BAZ1A: variants seen among roughly 807,000 people sequenced by gnomAD.
BAZ1A encodes bromodomain adjacent to zinc finger domain 1A.
Under a neutral mutation model 185.2 loss-of-function variants are expected in BAZ1A, and 50 were observed. That is an observed-to-expected ratio of 0.27 (90% CI 0.22 to 0.34). The LOEUF (loss-of-function observed/expected upper bound fraction) is 0.34. Among genes scored for constraint, BAZ1A ranks in the 10% least tolerant of loss-of-function variants. BAZ1A has a pLI of 1.00. For synonymous variants in BAZ1A, 571 were observed against 615.6 expected, an observed-to-expected ratio of 0.93 and a Z score of 1.07; for missense variants, 1,356 against 1,839.9, an observed-to-expected ratio of 0.74 and a Z score of 4.81.
intron 16 of BAZ1A, among the ~76,000 whole-genome samples, chr14:34,780,709 G>A (rs1405654366): frequency 6.6e-6 from 1 of 152,202 alleles, no homozygotes; most frequent in Non-Finnish European, 1.5e-5. Flanking sequence ...AAAGTGTAAA[G>A]GAGAAAGCAG....
At chr14:34,869,156 G>A (rs904532013) in intron 2 of BAZ1A, among the ~76,000 whole-genome samples, 1 of 151,660 alleles carries the variant, frequency 6.6e-6, no homozygotes. Flanking sequence ...GCAGTGAGCC[G>A]AGATCTCATG....
intron 2 of BAZ1A, among the ~76,000 whole-genome samples, chr14:34,865,970 T>C (rs541267706): frequency 1.2e-3 from 186 of 152,194 alleles, no homozygotes; most frequent in African/African-American, 4.2e-3. Flanking sequence ...GGAGGATCAC[T>C]TGAAGCCAGG....
intron 4 of BAZ1A, chr14:34,816,895 TAGTA>T (rs1413727101): frequency 4.9e-6 from 2 of 411,220 alleles, no homozygotes; most frequent in African/African-American, 4.1e-5. Flanking sequence ...TCTCACCAAA[TAGTA>T]AGGATATTTA....
At chr14:34,854,510 G>A (rs2042644294) in intron 3 of BAZ1A, among the ~76,000 whole-genome samples, 1 of 151,928 alleles carries the variant, frequency 6.6e-6, no homozygotes. Context: ...GAAAATTAAA[G>A]TCAATAGAAA....
At chr14:34,870,929 C>G (rs2042940040) in intron 2 of BAZ1A, among the ~76,000 whole-genome samples, 1 of 152,206 alleles carries the variant, frequency 6.6e-6, no homozygotes, top group Admixed American at 6.5e-5. Context: ...AGTTAAACCT[C>G]TTCCAATGAA....
intron 3 of BAZ1A, among the ~76,000 whole-genome samples, chr14:34,826,835 A>G (rs2042171247): frequency 6.6e-6 from 1 of 152,226 alleles, no homozygotes; most frequent in African/African-American, 2.4e-5. Context: ...TTTCCACAGA[A>G]GAGTGCTGTG....
rs544589255 is a variant in BAZ1A, at chr14:34,754,057, A to G, written c.4475-353T>C. Among the ~76,000 whole-genome samples, 228 of 152,116 alleles carry G rather than the reference A, an allele frequency of 1.5e-3. 1 individual carries two copies. The highest frequency in any genetic ancestry group is 2.1e-3 in the Non-Finnish European group (146 of 67,998). ...CACCTGAGGTCAGGAGTTCGACACC[A>G]GCCTGGGCAACATGGTGAAACCCCA... is the stretch of plus-strand genomic sequence containing the variant. On this transcript the variant is annotated intron_variant, in intron 26 of 26. Transcript: ENST00000360310.
At chr14:34,869,840 T>C (rs12434654) in intron 2 of BAZ1A, among the ~76,000 whole-genome samples, 22,335 of 152,092 alleles carry the variant, frequency 0.15, 1,896 homozygotes, top group Admixed American at 0.27. Context: ...AATAAAGAAA[T>C]GATATTGAGT....
chr14:34,787,744 A>G (rs970397964), intron 12 of BAZ1A, among the ~76,000 whole-genome samples: 1 of 152,234 alleles, frequency 6.6e-6, no homozygotes, highest in Non-Finnish European at 1.5e-5. Flanking sequence ...TTTTCTAAAT[A>G]AACTGCTTTA....
chr14:34,793,107 A>T (rs1205023753), intron 11 of BAZ1A, among the ~76,000 whole-genome samples, 186 bp from the exon 12 acceptor site: 1 of 152,248 alleles, frequency 6.6e-6, no homozygotes, highest in African/African-American at 2.4e-5. Context: ...ATAAAATACA[A>T]TAAAATCGTA....
At chr14:34,759,163 C>T (rs1310860703) in intron 24 of BAZ1A, among the ~76,000 whole-genome samples, 1 of 118,436 alleles carries the variant, frequency 8.4e-6, no homozygotes, top group Non-Finnish European at 1.7e-5. Flanking sequence ...AAATACTTTA[C>T]AGCTACAGTT....
intron 21 of BAZ1A, 51 bp downstream of exon 21, chr14:34,771,460 C>A: frequency 6.5e-7 from 1 of 1,532,952 alleles, no homozygotes; most frequent in South Asian, 1.3e-5. Flanking sequence ...AAGGCCAACT[C>A]AAAATTACTT....
intron 4 of BAZ1A, among the ~76,000 whole-genome samples, chr14:34,817,859 G>T (rs895558117): frequency 5.9e-5 from 9 of 152,174 alleles, no homozygotes; most frequent in African/African-American, 1.9e-4. Flanking sequence ...CCAAGTGTAT[G>T]GTGAAACTGG....
intron 3 of BAZ1A, among the ~76,000 whole-genome samples, chr14:34,850,788 GTA>G (rs2042584780): frequency 6.6e-6 from 1 of 152,082 alleles, no homozygotes; most frequent in South Asian, 2.1e-4. Context: ...GAATTAGTAT[GTA>G]TTCCATAGCC....
At chr14:34,784,945 C>T (rs898355582) in intron 14 of BAZ1A, among the ~76,000 whole-genome samples, 8 of 152,164 alleles carry the variant, frequency 5.3e-5, no homozygotes, top group Admixed American at 6.5e-5. Flanking sequence ...CAACCTCTGC[C>T]TCCTGGGTTC....
intron 24 of BAZ1A, among the ~76,000 whole-genome samples, chr14:34,759,686 A>T (rs903565821): frequency 6.9e-6 from 1 of 143,928 alleles, no homozygotes; most frequent in Non-Finnish European, 1.5e-5. Flanking sequence ...TATTTTATTT[A>T]ATTTTTGAGA....
Position 34,761,892 on chromosome 14 carries a change from T to A in BAZ1A, c.4108A>T (p.Asn1370Tyr). 6.2e-7 allele frequency: 1 copy of A among 1,614,178 alleles called. No individual in the cohort carries two copies. The highest frequency in any genetic ancestry group is 1.1e-5 in the South Asian group (1 of 91,086). Residue 1370 changes from asparagine (N) to tyrosine (Y), a missense_variant, in exon 24 of 27, where the codon AAT (asparagine) becomes TAT (tyrosine). Asn to Tyr is a moderately radical substitution (Grantham distance 143). Around this residue, in one of 7 missense-constraint regions of BAZ1A, gnomAD observed 309 missense variants for 355.3 expected, o/e 0.87. Transcript: ENST00000360310. ...CTGAAGTTAGGGAAGTTGGGACTAT[T>A]TTCTGGTGTATTATTAGCACTTTTC... ...GRKSANNTPE[N>Y]SPNFPNFRVI...
At chr14:34,813,842 C>A (rs572791271) in intron 4 of BAZ1A, among the ~76,000 whole-genome samples, 1 of 151,546 alleles carries the variant, frequency 6.6e-6, no homozygotes, top group Non-Finnish European at 1.5e-5. Context: ...GTTTAGTTTG[C>A]GACTAGCCTG....
intron 26 of BAZ1A, 75 bp from the exon 27 acceptor site, chr14:34,753,779 C>A: frequency 8.1e-7 from 1 of 1,235,840 alleles, no homozygotes; most frequent in Non-Finnish European, 1.1e-6. Context: ...TGTATCATAT[C>A]TGGAAATTTT....
Sources: allele counts gnomAD v4.1 joint callset (sites outside exome capture counted in the v4.1 genomes callset), GRCh38; gene constraint gnomAD v4.1.1; regional missense constraint gnomAD v4.1.1; transcripts MANE v1.5; gene names NCBI Gene and HGNC (gene_info 2026-07-23, HGNC 2026-07-21).